NALCN: variants seen among roughly 807,000 people sequenced by gnomAD.
NALCN encodes the protein sodium leak channel NALCN.
In NALCN, 111 loss-of-function variants were observed where a neutral mutation model predicts 225.3. The observed-to-expected ratio is 0.49, with a 90% CI of 0.42 to 0.58. NALCN has a LOEUF of 0.58. NALCN is among the 20% of genes least tolerant of loss of function. NALCN has a pLI of 0.00. For missense variants in NALCN, 1,378 were observed against 2,202.4 expected (o/e 0.63, Z 7.49); for synonymous variants, 764 against 769.0 (o/e 0.99, Z 0.11).
In NALCN at chr13:101,239,184, C is replaced by A. The variant is rs547465929; in HGVS notation, c.1267-1262G>T. Among the ~76,000 whole-genome samples the A allele has an allele frequency of 6.6e-5, 10 of 152,016 alleles. No homozygotes were observed. In the East Asian group the frequency reaches 1.9e-3, roughly 29 times the overall value. ...ATCCACACATATGCAATCACAGAAA[C>A]AGGCTTGCAATTACATGTTTTTACA... On this transcript the variant is annotated intron_variant, in intron 11 of 43. Transcript: ENST00000251127.
chr13:101,290,230 A>C (rs2043501285), intron 9 of NALCN, among the ~76,000 whole-genome samples: 1 of 152,162 alleles, frequency 6.6e-6, no homozygotes, highest in South Asian at 2.1e-4. Context: ...GGTGCTTCCA[A>C]ACACTATTTT....
At chr13:101,133,306 T>C (rs890147887) in intron 17 of NALCN, among the ~76,000 whole-genome samples, 1 of 152,210 alleles carries the variant, frequency 6.6e-6, no homozygotes, top group Admixed American at 6.5e-5. Flanking sequence ...TACATTTCTG[T>C]TTCTAACTGG....
Position 101,292,242 on chromosome 13 carries a change from G to C in NALCN, c.924C>G (p.Phe308Leu). ...SYFYFITLIF[F>L]LAWLVKNVFI... ...GCAGTACCTTCACAAGCCAGGCGAG[G>C]AAGAAAATGAGAGTGATGAAATAGA... Residue 308 changes from phenylalanine to leucine, a missense_variant, in exon 8 of 44, where the codon TTC becomes TTG. Transcript: ENST00000251127. The surrounding 1 kb of genome is among the most constrained non-coding windows in gnomAD (Gnocchi z 4.3). 1 of 1,614,044 alleles carries C rather than the reference G, an allele frequency of 6.2e-7. No homozygotes were observed. Among genetic ancestry groups the C allele is most frequent in the Non-Finnish European group, 8.5e-7 (1 of 1,179,988 alleles).
At chr13:101,116,524 T>C (rs935172942) in intron 18 of NALCN, 3 of 516,786 alleles carry the variant, frequency 5.8e-6, no homozygotes, top group African/African-American at 5.8e-5. Flanking sequence ...CCCCGGTTCT[T>C]TTCTTCTTTG....
rs1594544999 is a variant in NALCN, at chr13:101,258,532, T to C, written c.1177A>G (p.Met393Val). The change falls in exon 11 of 44, where the codon ATG becomes GTG. Residue 393 changes from methionine to valine, a missense_variant. Around this residue, in one of 19 missense-constraint regions of NALCN, gnomAD observed 144 missense variants for 187.7 expected, o/e 0.77. Transcript: ENST00000251127. ...SSVFHMFILS[M>V]VTVDVIVAAS... ...GCCACGATCACGTCCACGGTCACCA[T>C]GCTCAGGATGAACATGTGGAAAACG... 6.2e-7 allele frequency: 1 copy of C among 1,614,212 alleles called. No individual in the cohort carries two copies. The highest frequency in any genetic ancestry group is 8.5e-7 in the Non-Finnish European group (1 of 1,180,026).
chr13:101,365,974 T>G (rs1348342779), intron 6 of NALCN, among the ~76,000 whole-genome samples: 1 of 152,208 alleles, frequency 6.6e-6, no homozygotes, highest in Non-Finnish European at 1.5e-5. Flanking sequence ...ATGAATATGT[T>G]TCCCTTCTTT....
intron 18 of NALCN, among the ~76,000 whole-genome samples, chr13:101,122,586 C>T (rs1244480395): frequency 6.6e-6 from 1 of 152,200 alleles, no homozygotes; most frequent in Non-Finnish European, 1.5e-5. Flanking sequence ...ATCCCTCTTG[C>T]ACCACGTTAA....
At chr13:101,259,452 G>C (rs911438137) in intron 10 of NALCN, among the ~76,000 whole-genome samples, 1 of 151,754 alleles carries the variant, frequency 6.6e-6, no homozygotes, top group Non-Finnish European at 1.5e-5. Context: ...TCCGGCTTCA[G>C]CCTCCCGAGT....
chr13:101,178,192 T>G (rs772672800), intron 14 of NALCN, among the ~76,000 whole-genome samples: 2 of 152,146 alleles, frequency 1.3e-5, no homozygotes, highest in Non-Finnish European at 2.9e-5. Flanking sequence ...CTGTCTTGAT[T>G]TCTCACCCCG....
intron 3 of NALCN, among the ~76,000 whole-genome samples, chr13:101,381,852 A>AG (rs750774151): frequency 1.4e-5 from 2 of 143,632 alleles, no homozygotes; most frequent in African/African-American, 4.9e-5. Flanking sequence ...CTTGTGTGTT[A>AG]GGGAAAAAAA....
intron 7 of NALCN, among the ~76,000 whole-genome samples, chr13:101,332,486 G>A (rs542936942): frequency 1.1e-4 from 16 of 143,486 alleles, no homozygotes; most frequent in East Asian, 2.0e-4. Context: ...AGAATACAAC[G>A]AACATATCTC....
intron 12 of NALCN, among the ~76,000 whole-genome samples, chr13:101,230,949 A>T (rs1336502625): frequency 6.6e-6 from 1 of 152,130 alleles, no homozygotes; most frequent in Non-Finnish European, 1.5e-5. Context: ...CCTTTTCTAT[A>T]TTTAGCTATG....
At chr13:101,168,402 C>T (rs556698619) in intron 15 of NALCN, among the ~76,000 whole-genome samples, 3 of 152,272 alleles carry the variant, frequency 2.0e-5, no homozygotes, top group Admixed American at 6.5e-5. Context: ...GACCAAACTT[C>T]TTCCCCCGAA....
At chr13:101,073,811 T>TA in intron 36 of NALCN, 134 bp from the exon 37 acceptor site, 1 of 644,784 alleles carries the variant, frequency 1.6e-6, no homozygotes, top group Non-Finnish European at 2.6e-6. Flanking sequence ...CCAAAGGTTA[T>TA]ACCTTTTTAT....
intron 15 of NALCN, among the ~76,000 whole-genome samples, chr13:101,158,104 T>C (rs999594410): frequency 4.6e-5 from 7 of 152,086 alleles, no homozygotes; most frequent in African/African-American, 1.7e-4. Flanking sequence ...AAAGTTGGGG[T>C]CAGAGTGGAG....
At chr13:101,208,502 T>C (rs2040405988) in intron 13 of NALCN, among the ~76,000 whole-genome samples, 1 of 152,260 alleles carries the variant, frequency 6.6e-6, no homozygotes, top group Non-Finnish European at 1.5e-5. Flanking sequence ...TTAACTTGTT[T>C]AATATGTCTT....
chr13:101,071,702 A>C (rs2032899702), intron 37 of NALCN, among the ~76,000 whole-genome samples: 1 of 152,210 alleles, frequency 6.6e-6, no homozygotes, highest in Admixed American at 6.5e-5. Flanking sequence ...CTTATCAGTC[A>C]TGTGTTCACT....
Position 101,143,117 on chromosome 13 carries a change from C to A in NALCN, c.2081G>T (p.Arg694Leu). 1 of 1,614,082 alleles carries A rather than the reference C, an allele frequency of 6.2e-7. No individual in the cohort carries two copies. The highest frequency in any genetic ancestry group is 1.3e-5 in the African/African-American group (1 of 75,018). Reference protein sequence around the residue: ...TSSSSCDHSKRSAIEDNKYID... With the variant: ...TSSSSCDHSKLSAIEDNKYID... ...GTATTTGTTGTCCTCAATTGCTGAGCGTTTGGAGTGGTCGCAGGAGGAGGA... is the reference window on the plus strand; with the variant it reads ...GTATTTGTTGTCCTCAATTGCTGAGAGTTTGGAGTGGTCGCAGGAGGAGGA... The change falls in exon 17 of 44, where the codon CGC becomes CTC. Residue 694 changes from arginine to leucine, a missense_variant. Around this residue, in one of 19 missense-constraint regions of NALCN, gnomAD observed 100 missense variants for 89.4 expected, o/e 1.12. Transcript: ENST00000251127.
chr13:101,381,214 T>C (rs1379477118), intron 3 of NALCN, among the ~76,000 whole-genome samples: 1 of 152,112 alleles, frequency 6.6e-6, no homozygotes, highest in East Asian at 1.9e-4. Context: ...TGTGTGATTA[T>C]CATCATATGA....
Sources: gnomAD v4.1 joint callset for allele counts (sites outside exome capture counted in the v4.1 genomes callset) on GRCh38, gnomAD v4.1.1 for gene constraint, gnomAD v4.1.1 regional missense constraint, Gnocchi (gnomAD v3.1) non-coding constraint, MANE v1.5 for transcripts, NCBI Gene and HGNC (gene_info 2026-07-23, HGNC 2026-07-21) for gene names.